Variants in CNTNAP5 observed in about 807,000 individuals in gnomAD.
The protein encoded by CNTNAP5 is contactin-associated protein-like 5.
Under a neutral mutation model 150.2 loss-of-function variants are expected in CNTNAP5, and 72 were observed. The observed-to-expected ratio is 0.48, with a 90% confidence interval of 0.40 to 0.58. The LOEUF is 0.58. Ranked by LOEUF, CNTNAP5 falls within the 20% of genes least tolerant of loss-of-function variation. The pLI, the probability that CNTNAP5 is intolerant of heterozygous loss-of-function variation, is 0.00. For missense variants in CNTNAP5, 1,636 were observed against 1,626.2 expected, an observed-to-expected ratio of 1.01 and a Z score of -0.10; for synonymous variants, 672 against 619.8, an observed-to-expected ratio of 1.08 and a Z score of -1.25.
At chr2:124,233,817 G>C (rs1437805608) in intron 2 of CNTNAP5, among the ~76,000 whole-genome samples, 1 of 149,680 alleles carries the variant, frequency 6.7e-6, no homozygotes, top group Non-Finnish European at 1.5e-5. Context: ...TTTTATCCAT[G>C]GTATGGTAGA....
At chr2:124,427,763 A>G (rs1692275338) in intron 4 of CNTNAP5, among the ~76,000 whole-genome samples, 1 of 151,846 alleles carries the variant, frequency 6.6e-6, no homozygotes, top group Admixed American at 6.6e-5. Flanking sequence ...GGCCAAACCC[A>G]TATTATTTTA....
intron 10 of CNTNAP5, among the ~76,000 whole-genome samples, chr2:124,544,635 A>G (rs1277572240): frequency 6.6e-6 from 1 of 152,198 alleles, no homozygotes; most frequent in Non-Finnish European, 1.5e-5. Context: ...TACTATTGGT[A>G]ATAGAGAACT....
rs1003226487 is a variant in CNTNAP5, at chr2:124,917,348, G to T, written c.*3060G>T. Among the ~76,000 whole-genome samples, 6 of 151,986 alleles carry T rather than the reference G, an allele frequency of 3.9e-5. No homozygotes were observed. The East Asian group carries it at 1.2e-3, about 29-fold the overall frequency. On this transcript the variant is annotated 3_prime_UTR_variant, in exon 24 of 24. Transcript: ENST00000682447. ...TTTTCCACCAAACAAATCTATTTAT[G>T]TAAGCAACAGTATATTTGCTTACTC... is the stretch of plus-strand genomic sequence containing the variant.
At chr2:124,429,332 G>C (rs574951252) in intron 4 of CNTNAP5, among the ~76,000 whole-genome samples, 1 of 152,086 alleles carries the variant, frequency 6.6e-6, no homozygotes, top group African/African-American at 2.4e-5. Context: ...AGCTTTGGAA[G>C]CTGATTCTAA....
At chr2:124,401,729 C>A (rs1185008430) in intron 3 of CNTNAP5, among the ~76,000 whole-genome samples, 1 of 152,134 alleles carries the variant, frequency 6.6e-6, no homozygotes. Flanking sequence ...CAGGCAAGGA[C>A]ATTTGTTCAT....
intron 13 of CNTNAP5, among the ~76,000 whole-genome samples, chr2:124,738,201 T>A (rs937903386): frequency 6.6e-6 from 1 of 152,178 alleles, no homozygotes; most frequent in African/African-American, 2.4e-5. Flanking sequence ...AGAGGTTTCT[T>A]TATTACATCA....
intron 1 of CNTNAP5, among the ~76,000 whole-genome samples, chr2:124,032,700 T>A (rs1030724132): frequency 6.6e-6 from 1 of 152,180 alleles, no homozygotes; most frequent in African/African-American, 2.4e-5. Context: ...ATTTGTAAAA[T>A]GTATTCTATA....
At chr2:124,364,167 T>C (rs1455555491) in intron 3 of CNTNAP5, among the ~76,000 whole-genome samples, 1 of 152,190 alleles carries the variant, frequency 6.6e-6, no homozygotes, top group Non-Finnish European at 1.5e-5. Context: ...CACTTCTCCT[T>C]TCTTGTTGCT....
At chr2:124,180,938 G>T (rs562535535) in intron 1 of CNTNAP5, among the ~76,000 whole-genome samples, 19 of 151,872 alleles carry the variant, frequency 1.3e-4, no homozygotes, top group Non-Finnish European at 1.8e-4. Flanking sequence ...AAAGCCAAGG[G>T]CTTCCACAGG....
intron 3 of CNTNAP5, among the ~76,000 whole-genome samples, chr2:124,354,954 G>A (rs1689960073): frequency 6.6e-6 from 1 of 151,928 alleles, no homozygotes; most frequent in Non-Finnish European, 1.5e-5. Flanking sequence ...TCTCAGAGAT[G>A]ACTCTTGAAC....
intron 1 of CNTNAP5, among the ~76,000 whole-genome samples, chr2:124,030,633 C>A (rs547513970): frequency 1.3e-5 from 2 of 152,078 alleles, no homozygotes; most frequent in South Asian, 4.2e-4. Context: ...AGCACCACAG[C>A]CAACTCCAGA....
intron 21 of CNTNAP5, among the ~76,000 whole-genome samples, chr2:124,874,437 G>C (rs531105476): frequency 8.3e-4 from 126 of 152,148 alleles, no homozygotes; most frequent in African/African-American, 2.7e-3. Context: ...ACTTGGCCCT[G>C]TCACAAGAGC....
intron 10 of CNTNAP5, among the ~76,000 whole-genome samples, chr2:124,550,782 C>T (rs1695610960): frequency 6.6e-6 from 1 of 152,072 alleles, no homozygotes; most frequent in South Asian, 2.1e-4. Context: ...AAAATGACCC[C>T]TACCAAGCTA....
intron 17 of CNTNAP5, among the ~76,000 whole-genome samples, chr2:124,773,937 TGTGTGTGTGTGA>T (rs1313954248): frequency 4.8e-5 from 7 of 147,226 alleles, no homozygotes; most frequent in African/African-American, 1.6e-4. Flanking sequence ...TGTGTGTGTG[TGTGTGTGTGTGA>T]GAGAGAGAGA....
At chr2:124,217,048 T>C (rs1686176625) in intron 1 of CNTNAP5, among the ~76,000 whole-genome samples, 2 of 152,098 alleles carry the variant, frequency 1.3e-5, no homozygotes, top group South Asian at 4.1e-4. Context: ...TATAACTCTT[T>C]TGGAGAAAAG....
chr2:124,420,026 C>T (rs1558894207), intron 4 of CNTNAP5, among the ~76,000 whole-genome samples: 1 of 123,238 alleles, frequency 8.1e-6, no homozygotes, highest in East Asian at 2.7e-4. Flanking sequence ...GAGCCTCGCT[C>T]TCTTGCCCAG....
At position 124,328,889 on chromosome 2, in the gene CNTNAP5, T is replaced by A. The variant is rs116195410; in HGVS notation, c.381+86496T>A. On this transcript the variant is annotated intron_variant, in intron 3 of 23. Transcript: ENST00000682447. ...AAGGTTCACTGAAATAAACTGACAATAGACAGGTTAAAAGGAGAAAAGGCA... is the reference window on the plus strand; with the variant it reads ...AAGGTTCACTGAAATAAACTGACAAAAGACAGGTTAAAAGGAGAAAAGGCA... Among the ~76,000 whole-genome samples the A allele has an allele frequency of 8.1e-3, 1,236 of 152,096 alleles. 19 individuals are homozygous for A. Among genetic ancestry groups the A allele is most frequent in the African/African-American group, 0.028 (1,156 of 41,488 alleles).
At chr2:124,768,242 G>GA (rs1681108521) in intron 16 of CNTNAP5, among the ~76,000 whole-genome samples, 2 of 150,828 alleles carry the variant, frequency 1.3e-5, no homozygotes, top group South Asian at 4.2e-4. Flanking sequence ...CTGCTCAGGG[G>GA]AAAAACTGTA....
intron 1 of CNTNAP5, among the ~76,000 whole-genome samples, chr2:124,053,554 A>G (rs909038088): frequency 2.0e-5 from 3 of 152,110 alleles, no homozygotes; most frequent in Non-Finnish European, 4.4e-5. Flanking sequence ...TGAACATTTG[A>G]CCTTTCTGAG....
Sources: allele counts gnomAD v4.1 joint callset (sites outside exome capture counted in the v4.1 genomes callset), GRCh38; gene constraint gnomAD v4.1.1; transcripts MANE v1.5; gene names NCBI Gene and HGNC (gene_info 2026-07-23, HGNC 2026-07-21).